NFASC: variants seen among roughly 807,000 people sequenced by gnomAD.
NFASC encodes neurofascin.
In NFASC, 43 loss-of-function variants were observed where a neutral mutation model predicts 147.5. The ratio of observed to expected loss-of-function variants is 0.29; its 90% CI spans 0.23 to 0.38. NFASC has a LOEUF of 0.38. Ranked by LOEUF, NFASC falls within the 10% of genes least tolerant of loss-of-function variation. NFASC has a pLI of 1.00. For missense variants in NFASC, 1,320 were observed against 1,689.0 expected (o/e 0.78, Z 3.83); for synonymous variants, 622 against 665.5 (o/e 0.93, Z 1.01).
At position 204,977,590 on chromosome 1, in the gene NFASC, GT is replaced by G. The variant is rs2095432793; in HGVS notation, c.1832-88del. ...AGAACACCTCAGCCCAGAGGCAGCT[GT>G]TTAAGCCTCGGCTGCCTACCCCCAT... is the stretch of plus-strand genomic sequence containing the variant. On this transcript the variant is annotated intron_variant, in intron 16 of 29. Coordinates refer to ENST00000339876, the MANE Select transcript of NFASC (RefSeq NM_001005388.3). The G allele has an allele frequency of 1.2e-5, 15 of 1,249,190 alleles. No homozygotes were observed. In the South Asian group the frequency reaches 1.9e-4, roughly 16 times the overall value. The allele number at this position is 1,249,190 out of a possible 1,614,324, so 77.4% of individuals were successfully genotyped here.
intron 1 of NFASC, among the ~76,000 whole-genome samples, chr1:204,838,372 G>A (rs11801589): frequency 0.23 from 35,317 of 152,102 alleles, 6,412 homozygotes; most frequent in East Asian, 0.73. Context: ...GAGTAAAGTG[G>A]ACTTTTGAGT....
At chr1:204,843,008 G>A (rs1268200371) in intron 1 of NFASC, among the ~76,000 whole-genome samples, 2 of 152,216 alleles carry the variant, frequency 1.3e-5, no homozygotes, top group Non-Finnish European at 2.9e-5. Context: ...TCAGGTGCTG[G>A]CTCCATTCTG....
At chr1:204,967,509 C>T (rs540987536) in intron 8 of NFASC, among the ~76,000 whole-genome samples, 24 of 152,242 alleles carry the variant, frequency 1.6e-4, no homozygotes, top group African/African-American at 5.1e-4. Flanking sequence ...ATGACTGTTC[C>T]GGCCTAGTTG....
intron 1 of NFASC, among the ~76,000 whole-genome samples, chr1:204,841,072 G>A (rs1038343627): frequency 1.3e-5 from 2 of 152,308 alleles, no homozygotes; most frequent in East Asian, 1.9e-4. Context: ...ACGTCCTAAC[G>A]ACCCTTTGGG....
intron 1 of NFASC, among the ~76,000 whole-genome samples, chr1:204,832,256 C>A (rs1467434007): frequency 6.6e-6 from 1 of 152,222 alleles, no homozygotes; most frequent in Non-Finnish European, 1.5e-5. Context: ...CCAATCCCAT[C>A]TTCTAAGCTC....
intron 2 of NFASC, among the ~76,000 whole-genome samples, chr1:204,937,479 C>T (rs1263316544): frequency 6.6e-6 from 1 of 152,218 alleles, no homozygotes; most frequent in African/African-American, 2.4e-5. Flanking sequence ...ACCTGCACCC[C>T]CAGCAACCAC....
At chr1:204,995,134 A>T in intron 24 of NFASC, among the ~76,000 whole-genome samples, 1 of 152,182 alleles carries the variant, frequency 6.6e-6, no homozygotes, top group Non-Finnish European at 1.5e-5. Flanking sequence ...AAAATAAAAA[A>T]AATCAGAGCA....
Position 205,016,679 on chromosome 1 carries a change from G to A in NFASC, c.*140G>A. ...ATATGGGGGTCTGCCAAGCTGTGAG[G>A]ACCAGTAGCCACCAAGCCACCCACA... is the stretch of plus-strand genomic sequence containing the variant. On this transcript the variant is annotated 3_prime_UTR_variant, in exon 30 of 30. Coordinates refer to ENST00000339876, the MANE Select transcript of NFASC (RefSeq NM_001005388.3). This position sits in a 1 kb window ranked among gnomAD's most constrained non-coding sequence, Gnocchi z 5.1. 1 of 719,834 alleles carries A rather than the reference G, an allele frequency of 1.4e-6. No individual in the cohort carries two copies. Among genetic ancestry groups the A allele is most frequent in the South Asian group, 1.5e-5 (1 of 67,348 alleles). 44.6% of individuals were successfully genotyped at this position (719,834 alleles called of 1,614,324 possible).
Position 204,915,675 on chromosome 1 carries a change from A to G in NFASC, c.-199-4957A>G, listed in dbSNP as rs577123003. Among the ~76,000 whole-genome samples, 6 of 151,914 alleles carry G rather than the reference A, an allele frequency of 3.9e-5. No homozygotes were observed. In the East Asian group the frequency reaches 1.2e-3, roughly 29 times the overall value. ...TGTTTAAGTAAGAATCCTGAGAGAC[A>G]GAGACAGAATGATCTTTTTGCCCTG... On this transcript the variant is annotated intron_variant, in intron 1 of 29. Transcript: ENST00000339876.
chr1:204,832,553 C>T (rs565405943), intron 1 of NFASC, among the ~76,000 whole-genome samples: 7 of 152,220 alleles, frequency 4.6e-5, no homozygotes, highest in South Asian at 2.1e-4. Context: ...CACAGATTCC[C>T]GCAAATATCC....
intron 1 of NFASC, among the ~76,000 whole-genome samples, chr1:204,841,047 T>C (rs1357907015): frequency 6.6e-6 from 1 of 152,252 alleles, no homozygotes; most frequent in Non-Finnish European, 1.5e-5. Flanking sequence ...AGCTATAATG[T>C]TAACCCTCTG....
intron 27 of NFASC, among the ~76,000 whole-genome samples, chr1:205,005,868 C>T (rs376124911): frequency 6.6e-5 from 10 of 152,296 alleles, no homozygotes; most frequent in African/African-American, 1.9e-4. Context: ...TCACCTGGTA[C>T]GTCAGGAATG....
At chr1:204,919,461 A>G (rs2090025003) in intron 1 of NFASC, among the ~76,000 whole-genome samples, 2 of 152,120 alleles carry the variant, frequency 1.3e-5, no homozygotes, top group Admixed American at 1.3e-4. Context: ...ATTATTTTCT[A>G]TCATGTGTTT....
chr1:204,943,201 A>G (rs909452612), intron 2 of NFASC, among the ~76,000 whole-genome samples: 6 of 152,206 alleles, frequency 3.9e-5, no homozygotes, highest in African/African-American at 9.7e-5. Context: ...CCACAGTAGA[A>G]TAACAAACTG....
At chr1:204,997,659 A>C in intron 25 of NFASC, 1 of 572,280 alleles carries the variant, frequency 1.7e-6, no homozygotes, top group Non-Finnish European at 3.2e-6. Context: ...AGTACCCCAA[A>C]TTCTAGCTTC....
intron 2 of NFASC, among the ~76,000 whole-genome samples, chr1:204,930,512 C>T (rs1472912960): frequency 2.0e-5 from 3 of 152,130 alleles, no homozygotes; most frequent in Non-Finnish European, 4.4e-5. Context: ...ACTCATCCCA[C>T]GTGTGTTTAT....
At chr1:204,925,452 G>A (rs982553019) in intron 2 of NFASC, among the ~76,000 whole-genome samples, 1 of 152,136 alleles carries the variant, frequency 6.6e-6, no homozygotes, top group African/African-American at 2.4e-5. Context: ...CATCTTGTCT[G>A]GTATGTTTCC....
intron 1 of NFASC, among the ~76,000 whole-genome samples, chr1:204,876,059 C>T (rs2078723026): frequency 6.6e-6 from 1 of 152,190 alleles, no homozygotes; most frequent in Non-Finnish European, 1.5e-5. Context: ...TCCTAAATTA[C>T]TAGTGAGGCA....
chr1:204,835,969 A>G (rs925627278), intron 1 of NFASC, among the ~76,000 whole-genome samples: 1 of 152,188 alleles, frequency 6.6e-6, no homozygotes, highest in African/African-American at 2.4e-5. Flanking sequence ...AGCAATTCCA[A>G]GAACTTTTCC....
Sources: gnomAD v4.1 joint callset for allele counts (sites outside exome capture counted in the v4.1 genomes callset) on GRCh38, gnomAD v4.1.1 for gene constraint, Gnocchi (gnomAD v3.1) non-coding constraint, MANE v1.5 for transcripts, NCBI Gene and HGNC (gene_info 2026-07-23, HGNC 2026-07-21) for gene names.